MYLK: variants seen among roughly 807,000 people sequenced by gnomAD.
The protein encoded by MYLK is myosin light chain kinase, smooth muscle.
Under a neutral mutation model 203.4 loss-of-function variants are expected in MYLK, and 106 were observed. The ratio of observed to expected loss-of-function variants is 0.52; its 90% CI spans 0.45 to 0.61. The LOEUF is 0.61. Among genes scored for constraint, MYLK ranks in the 20% least tolerant of loss-of-function variants. The probability of loss-of-function intolerance (pLI) is 0.00; values close to 1 mark genes in which losing one functional copy is unlikely to be tolerated. For synonymous variants in MYLK, 867 were observed against 959.5 expected (o/e 0.90, Z 1.78); for missense variants, 2,072 against 2,442.3 (o/e 0.85, Z 3.20).
At chr3:123,721,289 G>A (rs1015445113) in intron 13 of MYLK, among the ~76,000 whole-genome samples, 2 of 152,248 alleles carry the variant, frequency 1.3e-5, no homozygotes, top group Non-Finnish European at 1.5e-5. Flanking sequence ...GACCAGTCAC[G>A]CTGCACTCAG....
chr3:123,850,373 G>A (rs1239217435), intron 2 of MYLK, among the ~76,000 whole-genome samples: 1 of 152,204 alleles, frequency 6.6e-6, no homozygotes, highest in Non-Finnish European at 1.5e-5. Context: ...GTGTAAAAGT[G>A]TTCCTATTTC....
In MYLK at chr3:123,734,511, G is replaced by A. The variant is rs144565548; in HGVS notation, c.774-289C>T. On this transcript the variant is annotated intron_variant, in intron 9 of 33. Transcript: ENST00000360304. ...CCTCCGTAGTTCAACCTCTGCCACCGGTGTCCCGTGTCCACTCTGCCCTCT... is the reference window on the plus strand; with the variant it reads ...CCTCCGTAGTTCAACCTCTGCCACCAGTGTCCCGTGTCCACTCTGCCCTCT... The A allele has an allele frequency of 1.6e-3, 573 of 347,846 alleles. 4 individuals carry two copies. In the South Asian group the frequency reaches 0.019, roughly 11 times the overall value. 21.5% of individuals were successfully genotyped at this position (347,846 alleles called of 1,614,324 possible).
chr3:123,736,130 C>T (rs1468360233), intron 8 of MYLK, among the ~76,000 whole-genome samples: 1 of 152,172 alleles, frequency 6.6e-6, no homozygotes. Flanking sequence ...AAGTCAGGTC[C>T]TCCGGTCAGG....
intron 4 of MYLK, among the ~76,000 whole-genome samples, chr3:123,762,163 C>T (rs893129928): frequency 6.6e-6 from 1 of 152,184 alleles, no homozygotes; most frequent in African/African-American, 2.4e-5. Context: ...ACCTTCAATG[C>T]TTTTAGTCAT....
intron 16 of MYLK, among the ~76,000 whole-genome samples, chr3:123,707,109 A>C (rs57716332): frequency 0.041 from 6,306 of 152,208 alleles, 444 homozygotes; most frequent in African/African-American, 0.14. Flanking sequence ...CATGCTAAAA[A>C]AGACACTCAA....
intron 13 of MYLK, among the ~76,000 whole-genome samples, chr3:123,711,628 C>A (rs820340): frequency 0.96 from 145,521 of 152,294 alleles, 69,850 homozygotes; most frequent in East Asian, 1. Flanking sequence ...AGCCTCTGGT[C>A]TCTCCCTTGG....
At position 123,626,867 on chromosome 3, in the gene MYLK, T is replaced by G; in HGVS notation, c.5189A>C (p.Lys1730Thr). Residue 1730 changes from lysine to threonine, a missense_variant, in exon 31 of 34, where the codon AAA (lysine) becomes ACA (threonine). This residue lies in a region of MYLK where 524 missense variants were observed against 782.4 expected (regional missense o/e 0.67). Coordinates refer to ENST00000360304, the MANE Select transcript of MYLK (RefSeq NM_053025.4). The part of the protein sequence containing the change: ...MKDTKNMEAK[K>T]LSKDRMKKYM... ...CTTCTTCATCCGGTCCTTGGAGAGT[T>G]TCTTGGCCTCCATGTTCTTGGTATC... The G allele has an allele frequency of 6.2e-7, 1 of 1,614,216 alleles. No individual in the cohort carries two copies. Among genetic ancestry groups the G allele is most frequent in the Non-Finnish European group, 8.5e-7 (1 of 1,180,034 alleles).
At chr3:123,863,546 T>C (rs1027730865) in intron 2 of MYLK, among the ~76,000 whole-genome samples, 2 of 152,042 alleles carry the variant, frequency 1.3e-5, no homozygotes, top group African/African-American at 4.8e-5. Flanking sequence ...ATGGGCAAAA[T>C]ACTTGAATAA....
chr3:123,762,908 G>A (rs1326469820), intron 4 of MYLK, among the ~76,000 whole-genome samples: 1 of 152,078 alleles, frequency 6.6e-6, no homozygotes, highest in Non-Finnish European at 1.5e-5. Context: ...TAAATTACTC[G>A]GTCTGTGGTA....
intron 2 of MYLK, among the ~76,000 whole-genome samples, chr3:123,849,064 C>T (rs774444986): frequency 5.9e-5 from 9 of 152,180 alleles, no homozygotes; most frequent in Non-Finnish European, 1.3e-4. Flanking sequence ...TAGCCTCAGC[C>T]TCCCAGACTC....
chr3:123,668,684 A>G (rs1302142543), intron 20 of MYLK, among the ~76,000 whole-genome samples: 1 of 152,106 alleles, frequency 6.6e-6, no homozygotes, highest in Non-Finnish European at 1.5e-5. Context: ...AAAAATGAGG[A>G]AAAGCCACTT....
At chr3:123,647,066 G>T in intron 27 of MYLK, 158 bp downstream of exon 27, 1 of 710,656 alleles carries the variant, frequency 1.4e-6, no homozygotes, top group Non-Finnish European at 2.5e-6. Flanking sequence ...GGTTCTGTTT[G>T]GTCAGGCCTG....
At chr3:123,752,691 CAG>C (rs2063239092) in intron 4 of MYLK, among the ~76,000 whole-genome samples, 153 bp from the exon 5 acceptor site, 1 of 152,172 alleles carries the variant, frequency 6.6e-6, no homozygotes, top group Non-Finnish European at 1.5e-5. Flanking sequence ...AATCAAGGTA[CAG>C]AGAGTTTTGG....
At chr3:123,716,220 T>C (rs1372252182) in intron 13 of MYLK, 1 of 152,104 alleles carries the variant, frequency 6.6e-6, no homozygotes, top group Non-Finnish European at 1.5e-5. Flanking sequence ...CAAAGAAGAG[T>C]TACATTCTCC....
rs527694144 is a variant in MYLK at position 123,631,215 on chromosome 3, C to T, written c.4962-1589G>A. Among the ~76,000 whole-genome samples, 6 of 152,016 alleles carry T rather than the reference C, an allele frequency of 3.9e-5. No homozygotes were observed. In the East Asian group the frequency reaches 5.8e-4, roughly 15 times the overall value. ...GAGTTTGAGGCTAGCCTGGCCAACA[C>T]GGTGAAGTCCTGTCTCTACTAAAAA... On this transcript the variant is annotated intron_variant, in intron 29 of 33. Coordinates refer to ENST00000360304, the MANE Select transcript of MYLK (RefSeq NM_053025.4).
At chr3:123,745,974 C>T (rs931624229) in intron 5 of MYLK, among the ~76,000 whole-genome samples, 2 of 152,092 alleles carry the variant, frequency 1.3e-5, no homozygotes, top group African/African-American at 4.8e-5. Context: ...TCTCCTGCCT[C>T]AGCCTCCTGA....
intron 2 of MYLK, among the ~76,000 whole-genome samples, chr3:123,835,250 A>G (rs2148633448): frequency 6.6e-6 from 1 of 152,350 alleles, no homozygotes; most frequent in South Asian, 2.1e-4. Context: ...CAAGTCCTCC[A>G]GGTGACTCTG....
chr3:123,884,054 T>C (rs2033702746), intron 1 of MYLK, among the ~76,000 whole-genome samples, 152 bp downstream of exon 1: 1 of 152,070 alleles, frequency 6.6e-6, no homozygotes, highest in East Asian at 1.9e-4. Context: ...CTTACGCCCC[T>C]GACTCCTCGC....
chr3:123,637,285 G>T (rs915931581), intron 29 of MYLK, among the ~76,000 whole-genome samples: 2 of 152,108 alleles, frequency 1.3e-5, no homozygotes, highest in African/African-American at 4.8e-5. Flanking sequence ...GTGTTCTCAA[G>T]CCTTGTTACT....
Sources: gnomAD v4.1 joint callset for allele counts (sites outside exome capture counted in the v4.1 genomes callset) on GRCh38, gnomAD v4.1.1 for gene constraint, gnomAD v4.1.1 regional missense constraint, MANE v1.5 for transcripts, NCBI Gene and HGNC (gene_info 2026-07-23, HGNC 2026-07-21) for gene names.